PPFIA4: variants seen among roughly 807,000 people sequenced by gnomAD.
PPFIA4 encodes liprin-alpha-4.
Under a neutral mutation model 145.7 loss-of-function variants are expected in PPFIA4, and 98 were observed. That is an observed-to-expected ratio of 0.67 (90% confidence interval 0.57 to 0.80). The LOEUF (loss-of-function observed/expected upper bound fraction) is 0.80, where lower values mean the gene tolerates loss of function less well. Ranked by LOEUF, PPFIA4 falls within the 30% of genes least tolerant of loss-of-function variation. PPFIA4 has a pLI of 0.00. For missense variants in PPFIA4, 1,457 were observed against 1,632.7 expected (o/e 0.89, Z 1.85); for synonymous variants, 628 against 649.6 (o/e 0.97, Z 0.51).
At position 203,048,453 on chromosome 1, in the gene PPFIA4, A is replaced by T. The variant is rs1660243001; in HGVS notation, c.1225-130A>T. ...GGAGGAGGCTGGCAGGTGAAGGGGG[A>T]GGTGGTCAGGAGACTGGAGAGAGTG... On this transcript the variant is annotated intron_variant, in intron 10 of 29. Transcript: ENST00000295706. This position sits in a 1 kb window ranked among gnomAD's most constrained non-coding sequence, Gnocchi z 5.8. The T allele has an allele frequency of 6.9e-7, 1 of 1,455,170 alleles. No individual in the cohort carries two copies. Among genetic ancestry groups the T allele is most frequent in the African/African-American group, 1.4e-5 (1 of 70,962 alleles). The allele number at this position is 1,455,170 out of a possible 1,614,324, so 90.1% of individuals were successfully genotyped here. A position where few individuals can be genotyped will look rare whatever the true frequency, so the allele number is the denominator to read the frequency against.
Position 203,048,537 on chromosome 1 carries a change from G to T in PPFIA4, c.1225-46G>T. ...AGTCAAACCCCAGCAGGAGAGGGTG[G>T]TCCTCCCTGGGAGGGCGGCCTGGTG... is the stretch of plus-strand genomic sequence containing the variant. On this transcript the variant is annotated intron_variant, in intron 10 of 29. Transcript: ENST00000295706. The surrounding 1 kb of genome is among the most constrained non-coding windows in gnomAD (Gnocchi z 5.8). 1 of 1,554,180 alleles carries T rather than the reference G, an allele frequency of 6.4e-7. No individual in the cohort carries two copies. Among genetic ancestry groups the T allele is most frequent in the Non-Finnish European group, 8.7e-7 (1 of 1,149,476 alleles).
At chr1:203,031,821 A>AG (rs1374795777) in intron 1 of PPFIA4, among the ~76,000 whole-genome samples, 2 of 152,246 alleles carry the variant, frequency 1.3e-5, no homozygotes, top group African/African-American at 4.8e-5. Context: ...GGCTCTGATT[A>AG]GCAGAAGATG....
rs973554142 is a variant in PPFIA4, at chr1:203,078,029, C to G, written c.*1639C>G. ...CCCAGTCCAGAAGGAGCAATGGCAC[C>G]TGGGCAGTGCCAGGGCTTAAAGCCC... On this transcript the variant is annotated 3_prime_UTR_variant, in exon 30 of 30. Coordinates refer to ENST00000295706, the MANE Select transcript of PPFIA4 (RefSeq NM_001304331.2). 10 of 152,292 alleles carry G rather than the reference C, an allele frequency of 6.6e-5. No homozygotes were observed. Among genetic ancestry groups the G allele is most frequent in the African/African-American group, 2.4e-4 (10 of 41,466 alleles). 9.4% of individuals were successfully genotyped at this position (152,292 alleles called of 1,614,324 possible).
chr1:203,053,620 T>C (rs1178188115), intron 14 of PPFIA4, 133 bp from the exon 15 acceptor site: 6 of 721,994 alleles, frequency 8.3e-6, no homozygotes, highest in African/African-American at 1.8e-5. Flanking sequence ...GGTCTGGTGG[T>C]GCGGCCTGAG....
chr1:203,050,728 T>G (rs1660447549), intron 13 of PPFIA4, among the ~76,000 whole-genome samples: 1 of 152,064 alleles, frequency 6.6e-6, no homozygotes. Flanking sequence ...TCGCCAGGAA[T>G]TATTGTATAT....
Position 203,055,546 on chromosome 1 carries a change from C to T in PPFIA4, c.1944C>T (p.Ser648=). 1 of 1,614,032 alleles carries T rather than the reference C, an allele frequency of 6.2e-7. No individual in the cohort carries two copies. Among genetic ancestry groups the T allele is most frequent in the Non-Finnish European group, 8.5e-7 (1 of 1,179,900 alleles). Residue 648 remains serine (S), a synonymous_variant, in exon 16 of 30, where the codon TCC becomes TCT. Coordinates refer to ENST00000295706, the MANE Select transcript of PPFIA4 (RefSeq NM_001304331.2). This position sits in a 1 kb window ranked among gnomAD's most constrained non-coding sequence, Gnocchi z 4.8. ...TGAAGCAGCTGCGCAAGCGTGGTTC[C>T]ATCCCCACCTCTCTGACGGCCCTGT... The part of the protein sequence containing the change: ...LNLKQLRKRG[S]IPTSLTALSL...
At chr1:203,057,930 G>T (rs539567481) in intron 19 of PPFIA4, among the ~76,000 whole-genome samples, 3 of 152,222 alleles carry the variant, frequency 2.0e-5, no homozygotes, top group Admixed American at 2.0e-4. Context: ...GGGTGTGAGA[G>T]GTTGGTATGT....
chr1:203,077,212 G>A lies in PPFIA4; in HGVS notation c.*822G>A, dbSNP rs12064527. On this transcript the variant is annotated 3_prime_UTR_variant, in exon 30 of 30. Coordinates refer to ENST00000295706, the MANE Select transcript of PPFIA4 (RefSeq NM_001304331.2). Reference sequence around the variant, plus strand: ...GGCCTCTGGTAGCCTTAAGCCCAAAGGGCAGTGGGAATGTCCCCTGCCCCA... The same window carrying A: ...GGCCTCTGGTAGCCTTAAGCCCAAAAGGCAGTGGGAATGTCCCCTGCCCCA... The A allele has an allele frequency of 0.21, 31,939 of 152,118 alleles. 3,673 individuals are homozygous for A. Among genetic ancestry groups the A allele is most frequent in the African/African-American group, 0.3 (12,284 of 41,450 alleles). 9.4% of individuals were successfully genotyped at this position (152,118 alleles called of 1,614,324 possible).
Position 203,076,467 on chromosome 1 carries a change from C to T in PPFIA4, c.*77C>T. ...GCCCTGACCCCTCTTGCTCGTTCCC[C>T]TTCCTTCCGCAGCTCCTAGTCTCGT... On this transcript the variant is annotated 3_prime_UTR_variant, in exon 30 of 30. Coordinates refer to ENST00000295706, the MANE Select transcript of PPFIA4 (RefSeq NM_001304331.2). 7.2e-7 allele frequency: 1 copy of T among 1,380,282 alleles called. No homozygotes were observed. The highest frequency in any genetic ancestry group is 1.0e-6 in the Non-Finnish European group (1 of 979,058). 85.5% of individuals were successfully genotyped at this position (1,380,282 alleles called of 1,614,324 possible). A position where few individuals can be genotyped will look rare whatever the true frequency, so the allele number is the denominator to read the frequency against.
At chr1:203,036,211 T>G (rs1659240199) in intron 1 of PPFIA4, among the ~76,000 whole-genome samples, 1 of 152,134 alleles carries the variant, frequency 6.6e-6, no homozygotes, top group South Asian at 2.1e-4. Context: ...TACTCTTCAT[T>G]TGCTGCCCAG....
chr1:203,031,782 AT>A (rs1271229302), intron 1 of PPFIA4, among the ~76,000 whole-genome samples: 3 of 152,314 alleles, frequency 2.0e-5, no homozygotes, highest in Non-Finnish European at 4.4e-5. Context: ...TTCTGCAAAC[AT>A]TATTTGAGGA....
At chr1:203,036,034 C>T (rs1033402404) in intron 1 of PPFIA4, among the ~76,000 whole-genome samples, 6 of 152,168 alleles carry the variant, frequency 3.9e-5, no homozygotes, top group African/African-American at 1.4e-4. Context: ...TTTGGGGAGG[C>T]CAAGTTGGAC....
chr1:203,037,560 CTGAT>C (rs1659375371), intron 1 of PPFIA4, among the ~76,000 whole-genome samples: 2 of 152,240 alleles, frequency 1.3e-5, no homozygotes, highest in African/African-American at 4.8e-5. Context: ...AGGTTGGAAT[CTGAT>C]TGTAGGCAGA....
At chr1:203,038,355 A>T (rs991414515) in intron 1 of PPFIA4, among the ~76,000 whole-genome samples, 2 of 152,168 alleles carry the variant, frequency 1.3e-5, no homozygotes, top group Non-Finnish European at 2.9e-5. Flanking sequence ...GGGTAGGGGA[A>T]CCACTGCCAC....
chr1:203,031,946 A>C (rs991220242), intron 1 of PPFIA4, among the ~76,000 whole-genome samples: 5 of 152,050 alleles, frequency 3.3e-5, no homozygotes, highest in Non-Finnish European at 7.4e-5. Flanking sequence ...TCTATTAGAC[A>C]GTTAGAGTGT....
At chr1:203,067,653 T>G in intron 25 of PPFIA4, 42 bp from the exon 26 acceptor site, 1 of 1,545,784 alleles carries the variant, frequency 6.5e-7, no homozygotes, top group Non-Finnish European at 8.9e-7. Context: ...TGTGGGAATG[T>G]GGCCCCACTG....
chr1:203,052,656 G>A (rs1660619863), intron 14 of PPFIA4, among the ~76,000 whole-genome samples: 1 of 152,176 alleles, frequency 6.6e-6, no homozygotes, highest in African/African-American at 2.4e-5. Context: ...CTATCCAGGA[G>A]CTGAGAGGCT....
intron 16 of PPFIA4, 89 bp from the exon 17 acceptor site, chr1:203,056,031 T>C: frequency 7.4e-7 from 1 of 1,358,162 alleles, no homozygotes; most frequent in Non-Finnish European, 1.0e-6. Flanking sequence ...AATCCTATCT[T>C]CTCATCCTAA....
chr1:203,068,118 AGAG>A lies in PPFIA4; in HGVS notation c.3148+330_3149-329del, dbSNP rs1661862491. ...GGGCTGGATGGGAGATGCAAGTCTT[AGAG>A]GAGACCTTGAAGGTGGAAAGAATAA... On this transcript the variant is annotated intron_variant, in intron 26 of 29. Coordinates refer to ENST00000295706, the MANE Select transcript of PPFIA4 (RefSeq NM_001304331.2). The surrounding 1 kb of genome is among the most constrained non-coding windows in gnomAD (Gnocchi z 4.7). Among the ~76,000 whole-genome samples, 1 of 152,196 alleles carries A rather than the reference AGAG, an allele frequency of 6.6e-6. No individual in the cohort carries two copies. The highest frequency in any genetic ancestry group is 2.1e-4 in the South Asian group (1 of 4,830).
Sources: gnomAD v4.1 joint callset for allele counts (sites outside exome capture counted in the v4.1 genomes callset) on GRCh38, gnomAD v4.1.1 for gene constraint, Gnocchi (gnomAD v3.1) non-coding constraint, MANE v1.5 for transcripts, NCBI Gene and HGNC (gene_info 2026-07-23, HGNC 2026-07-21) for gene names.